Variants in RYR2 observed in about 807,000 individuals in gnomAD.
RYR2 encodes the protein ryanodine receptor 2.
A neutral mutation model predicts 601.1 loss-of-function variants in RYR2; 227 were observed. The observed-to-expected ratio is 0.38, with a 90% CI of 0.34 to 0.42. The LOEUF is 0.42. Ranked by LOEUF, RYR2 falls within the 10% of genes least tolerant of loss-of-function variation. The pLI, the probability that RYR2 is intolerant of heterozygous loss-of-function variation, is 1.00. For missense variants in RYR2, 4,646 were observed against 6,156.5 expected, an observed-to-expected ratio of 0.75 and a Z score of 8.21; for synonymous variants, 2,223 against 2,175.1, an observed-to-expected ratio of 1.02 and a Z score of -0.61.
At chr1:237,570,279 T>C (rs951273438) in intron 29 of RYR2, among the ~76,000 whole-genome samples, 1 of 150,504 alleles carries the variant, frequency 6.6e-6, no homozygotes, top group African/African-American at 2.4e-5. Context: ...TCTTCAGACA[T>C]GCACTCCCAA....
chr1:237,803,486 G>C (rs926341098), intron 98 of RYR2, among the ~76,000 whole-genome samples: 6 of 152,054 alleles, frequency 3.9e-5, no homozygotes, highest in African/African-American at 1.4e-4. Context: ...ACTTTTAGTA[G>C]AGACGGGGTT....
chr1:237,063,361 TTTAGA>T lies in RYR2; in HGVS notation c.48+20796_48+20800del, dbSNP rs568930155. Among the ~76,000 whole-genome samples the T allele has an allele frequency of 5.0e-3, 769 of 152,322 alleles. 10 individuals carry two copies. Among genetic ancestry groups the T allele is most frequent in the African/African-American group, 0.017 (711 of 41,568 alleles). On this transcript the variant is annotated intron_variant, in intron 1 of 104. Coordinates refer to ENST00000366574, the MANE Select transcript of RYR2 (RefSeq NM_001035.3). Reference sequence around the variant, plus strand: ...TTTATTTTTTCATTTTTTGCCTTTCTTTAGATTAATATTTATTAACAAGCTTCTAT... The same window carrying T: ...TTTATTTTTTCATTTTTTGCCTTTCTTTAATATTTATTAACAAGCTTCTAT...
At chr1:237,051,243 C>A (rs1411830603) in intron 1 of RYR2, among the ~76,000 whole-genome samples, 1 of 118,332 alleles carries the variant, frequency 8.5e-6, no homozygotes, top group African/African-American at 3.3e-5. Context: ...CTTTCCCTCC[C>A]CTTCCCCTCC....
chr1:237,445,047 T>C (rs1186195078), intron 13 of RYR2, among the ~76,000 whole-genome samples: 1 of 152,138 alleles, frequency 6.6e-6, no homozygotes, highest in African/African-American at 2.4e-5. Context: ...TTTTGAGTAG[T>C]TCTTTAAAAT....
intron 7 of RYR2, among the ~76,000 whole-genome samples, chr1:237,375,561 A>G (rs771719861): frequency 2.0e-5 from 3 of 152,174 alleles, no homozygotes; most frequent in Non-Finnish European, 4.4e-5. Flanking sequence ...GTATTTACCC[A>G]TATTTACTAA....
At chr1:237,077,771 C>T (rs368363584) in intron 1 of RYR2, among the ~76,000 whole-genome samples, 42 of 152,238 alleles carry the variant, frequency 2.8e-4, no homozygotes, top group African/African-American at 7.0e-4. Flanking sequence ...CTGCACCAAG[C>T]GGACCTAATA....
chr1:237,622,240 T>C (rs1679151482), intron 38 of RYR2, among the ~76,000 whole-genome samples: 1 of 152,160 alleles, frequency 6.6e-6, no homozygotes, highest in Non-Finnish European at 1.5e-5. Context: ...ACATAAATGG[T>C]AAAGTTTCCC....
rs1013496653 is a variant in RYR2, at chr1:237,747,748, C to A, written c.11145+5399C>A. 3.3e-5 allele frequency among the ~76,000 whole-genome samples: 5 copies of A among 152,170 alleles called. No homozygotes were observed. The South Asian group carries it at 1.0e-3, about 32-fold the overall frequency. ...TTTAAATTAAAAAGTCTTCCTGAAT[C>A]TTAGCAAAGAGAATTTTTAAATGCA... On this transcript the variant is annotated intron_variant, in intron 80 of 104. Coordinates refer to ENST00000366574, the MANE Select transcript of RYR2 (RefSeq NM_001035.3).
At position 237,640,932 on chromosome 1, in the gene RYR2, T is replaced by C; in HGVS notation, c.7151T>C (p.Met2384Thr). 1 of 1,613,646 alleles carries C rather than the reference T, an allele frequency of 6.2e-7. No homozygotes were observed. The highest frequency in any genetic ancestry group is 1.3e-5 in the African/African-American group (1 of 75,034). ...GAGGAGGAAGATGACACTATCCACA[T>C]GGGGAACGCGATCATGACCTTCTAT... is the stretch of plus-strand genomic sequence containing the variant. ...TEEEEDDTIHMGNAIMTFYSA... is the reference protein window; with the variant it reads ...TEEEEDDTIHTGNAIMTFYSA... The change falls in exon 47 of 105, where the codon ATG becomes ACG. Residue 2384 changes from methionine to threonine, a missense_variant. Physicochemically the swap from Met to Thr is moderately conservative, Grantham distance 81 (BLOSUM62 -1). This residue lies in a region of RYR2 where 1,497 missense variants were observed against 1,842.6 expected (regional missense o/e 0.81). Coordinates refer to ENST00000366574, the MANE Select transcript of RYR2 (RefSeq NM_001035.3).
At chr1:237,636,123 A>G (rs1197946830) in intron 44 of RYR2, among the ~76,000 whole-genome samples, 2 of 151,790 alleles carry the variant, frequency 1.3e-5, no homozygotes, top group Admixed American at 6.6e-5. Context: ...ATATACTTTC[A>G]TTTTATTTAT....
chr1:237,198,918 A>G lies in RYR2; in HGVS notation c.49-71579A>G, dbSNP rs149018826. On this transcript the variant is annotated intron_variant, in intron 1 of 104. Coordinates refer to ENST00000366574, the MANE Select transcript of RYR2 (RefSeq NM_001035.3). ...AAGATTTTCAACAACTTGAAAAATTATAGGCTAACCACTTTGGTTAGGTTT... is the reference window on the plus strand; with the variant it reads ...AAGATTTTCAACAACTTGAAAAATTGTAGGCTAACCACTTTGGTTAGGTTT... Among the ~76,000 whole-genome samples, 27 of 152,160 alleles carry G rather than the reference A, an allele frequency of 1.8e-4. No individual in the cohort carries two copies. The East Asian group carries it at 1.9e-3, about 11-fold the overall frequency.
intron 1 of RYR2, among the ~76,000 whole-genome samples, chr1:237,067,521 G>GT (rs1424263877): frequency 1.3e-5 from 2 of 152,196 alleles, no homozygotes; most frequent in Non-Finnish European, 2.9e-5. Context: ...ATACCATACA[G>GT]TGTTGATTAC....
chr1:237,574,585 A>C (rs151152567), intron 29 of RYR2, among the ~76,000 whole-genome samples: 45 of 152,274 alleles, frequency 3.0e-4, no homozygotes, highest in African/African-American at 1.0e-3. Context: ...GTCCTTCCTG[A>C]AGTCAGAGAG....
At position 237,742,282 on chromosome 1, in the gene RYR2, T is replaced by C; in HGVS notation, c.11092-14T>C. On this transcript the variant is annotated splice_polypyrimidine_tract_variant and intron_variant, in intron 79 of 104. Transcript: ENST00000366574. ...ATATTCCTGTCTCCTTTTTTTTTTT[T>C]TTTAAATATACAGAGTTGTCATGAT... 1 of 1,513,192 alleles carries C rather than the reference T, an allele frequency of 6.6e-7. No individual in the cohort carries two copies. Among genetic ancestry groups the C allele is most frequent in the Middle Eastern group, 1.9e-4 (1 of 5,284 alleles). The allele number at this position is 1,513,192 out of a possible 1,614,324, so 93.7% of individuals were successfully genotyped here.
chr1:237,411,822 A>AG (rs1704485157), intron 10 of RYR2, among the ~76,000 whole-genome samples: 1 of 152,146 alleles, frequency 6.6e-6, no homozygotes, highest in African/African-American at 2.4e-5. Context: ...AACAAACAAG[A>AG]GAGTAACTGT....
chr1:237,707,972 G>T (rs543609993), intron 68 of RYR2, among the ~76,000 whole-genome samples: 34 of 149,076 alleles, frequency 2.3e-4, no homozygotes, highest in African/African-American at 7.9e-4. Context: ...AGTAGAGATG[G>T]GGTTTCACCA....
At chr1:237,255,574 C>G (rs1035765711) in intron 1 of RYR2, among the ~76,000 whole-genome samples, 3 of 152,120 alleles carry the variant, frequency 2.0e-5, no homozygotes, top group African/African-American at 4.8e-5. Flanking sequence ...TAGTATTTAT[C>G]AAGAAGTATA....
At chr1:237,660,731 T>A in intron 55 of RYR2, 79 bp from the exon 56 acceptor site, 1 of 1,276,534 alleles carries the variant, frequency 7.8e-7, no homozygotes, top group Non-Finnish European at 1.1e-6. Context: ...GAAGGCAGTC[T>A]ATTTTAGAGC....
At position 237,099,712 on chromosome 1, in the gene RYR2, C is replaced by T. The variant is rs2891827; in HGVS notation, c.48+57143C>T. The stretch of plus-strand genomic sequence containing the variant: ...AACCTTCTTTTGCTATGAAAAACTA[C>T]ATTTTGAAACAAAAGTTTTAGTGTT... On this transcript the variant is annotated intron_variant, in intron 1 of 104. Transcript: ENST00000366574. 0.021 allele frequency among the ~76,000 whole-genome samples: 3,138 copies of T among 152,302 alleles called. 389 individuals are homozygous for T. In the East Asian group the frequency reaches 0.37, roughly 18 times the overall value.
Sources: gnomAD v4.1 joint callset for allele counts (sites outside exome capture counted in the v4.1 genomes callset) on GRCh38, gnomAD v4.1.1 for gene constraint, gnomAD v4.1.1 regional missense constraint, MANE v1.5 for transcripts, NCBI Gene and HGNC (gene_info 2026-07-23, HGNC 2026-07-21) for gene names.